GRID2: variants seen among roughly 807,000 people sequenced by gnomAD.
The protein encoded by GRID2 is glutamate ionotropic receptor delta type subunit 2.
GRID2 carries 33 observed loss-of-function variants against 114.8 expected under a neutral mutation model. The observed-to-expected ratio is 0.29, with a 90% confidence interval of 0.22 to 0.38. The LOEUF is 0.38. GRID2 is among the 10% of genes least tolerant of loss of function. The pLI is 1.00. For synonymous variants in GRID2, 505 were observed against 449.9 expected (o/e 1.12, Z -1.55); for missense variants, 1,184 against 1,257.7 (o/e 0.94, Z 0.89).
intron 12 of GRID2, among the ~76,000 whole-genome samples, chr4:93,512,493 G>A (rs182907460): frequency 7.2e-5 from 11 of 152,098 alleles, no homozygotes; most frequent in South Asian, 2.1e-4. Context: ...TGCTTCAGTC[G>A]TTTTATTTTT....
intron 14 of GRID2, among the ~76,000 whole-genome samples, chr4:93,726,585 AT>A (rs1729920594): frequency 6.6e-6 from 1 of 152,108 alleles, no homozygotes; most frequent in South Asian, 2.1e-4. Flanking sequence ...CAGTATGGCC[AT>A]TTTCACGATA....
At chr4:92,821,353 T>C (rs969009509) in intron 2 of GRID2, among the ~76,000 whole-genome samples, 2 of 152,194 alleles carry the variant, frequency 1.3e-5, no homozygotes, top group African/African-American at 4.8e-5. Context: ...GACAACCTTA[T>C]CTGTCATGCT....
intron 1 of GRID2, among the ~76,000 whole-genome samples, chr4:92,379,491 T>G (rs1299226939): frequency 6.6e-6 from 1 of 152,098 alleles, no homozygotes; most frequent in Non-Finnish European, 1.5e-5. Context: ...ATTACAATGA[T>G]AATTTTTAAA....
chr4:93,720,516 C>T (rs933851630), intron 14 of GRID2, among the ~76,000 whole-genome samples: 8 of 152,144 alleles, frequency 5.3e-5, no homozygotes, highest in African/African-American at 1.9e-4. Flanking sequence ...AAAATGGTCA[C>T]AGACACCTGC....
chr4:92,841,570 G>T (rs1037079164), intron 2 of GRID2, among the ~76,000 whole-genome samples: 4 of 151,936 alleles, frequency 2.6e-5, no homozygotes, highest in East Asian at 1.9e-4. Context: ...GCTAGAAAAA[G>T]TTTAACATTC....
chr4:92,899,419 A>G (rs1747403729), intron 2 of GRID2, among the ~76,000 whole-genome samples: 1 of 152,116 alleles, frequency 6.6e-6, no homozygotes, highest in African/African-American at 2.4e-5. Flanking sequence ...ATCCTAAGTC[A>G]TTTTCACAAG....
rs190550125 is a variant in GRID2, at chr4:92,754,950, T to G, written c.244+164664T>G. 6.7e-3 allele frequency among the ~76,000 whole-genome samples: 1,019 copies of G among 152,338 alleles called. 11 individuals carry two copies. Among genetic ancestry groups the G allele is most frequent in the African/African-American group, 0.023 (973 of 41,582 alleles). ...TTCCTGTTAGCATCACTTCTACTAT[T>G]TCCTTTTCTGTGCGTGTGCATACAT... On this transcript the variant is annotated intron_variant, in intron 2 of 15. Transcript: ENST00000282020.
chr4:93,221,970 G>A (rs1744931561), intron 6 of GRID2, among the ~76,000 whole-genome samples: 1 of 152,118 alleles, frequency 6.6e-6, no homozygotes, highest in Non-Finnish European at 1.5e-5. Flanking sequence ...TGTCAGGTTT[G>A]GATAGAACCC....
intron 1 of GRID2, among the ~76,000 whole-genome samples, chr4:93,793,451 T>C (rs2110360548): frequency 6.6e-6 from 1 of 152,294 alleles, no homozygotes; most frequent in South Asian, 2.1e-4. Context: ...TGTGCCTAAA[T>C]CTGTTTTGTT....
intron 2 of GRID2, among the ~76,000 whole-genome samples, chr4:92,790,444 C>G: frequency 6.6e-6 from 1 of 151,714 alleles, no homozygotes; most frequent in East Asian, 2.0e-4. Flanking sequence ...TGGACAAGGT[C>G]TTATTCTGTT....
intron 14 of GRID2, among the ~76,000 whole-genome samples, chr4:93,728,552 T>C (rs966079177): frequency 6.6e-6 from 1 of 152,202 alleles, no homozygotes; most frequent in African/African-American, 2.4e-5. Context: ...GTTAACTTTC[T>C]GTCTTGTTTT....
At chr4:92,693,869 T>C (rs1579856266) in intron 2 of GRID2, among the ~76,000 whole-genome samples, 1 of 152,208 alleles carries the variant, frequency 6.6e-6, no homozygotes, top group Non-Finnish European at 1.5e-5. Flanking sequence ...TAAGAAAATA[T>C]ATGATATTAC....
intron 2 of GRID2, among the ~76,000 whole-genome samples, chr4:93,056,138 T>G (rs1394421619): frequency 6.6e-6 from 1 of 151,942 alleles, no homozygotes; most frequent in Non-Finnish European, 1.5e-5. Flanking sequence ...TATGGACTGT[T>G]ATGCAAACTG....
intron 8 of GRID2, among the ~76,000 whole-genome samples, chr4:93,322,210 C>A (rs894997622): frequency 2.0e-5 from 3 of 151,970 alleles, no homozygotes; most frequent in Admixed American, 2.0e-4. Flanking sequence ...CCCCACCCAA[C>A]AACAGGCCCC....
intron 2 of GRID2, among the ~76,000 whole-genome samples, chr4:92,675,710 CT>C (rs1372917209): frequency 1.3e-5 from 2 of 152,018 alleles, no homozygotes; most frequent in East Asian, 3.9e-4. Context: ...GCCACGACGC[CT>C]GGCTAATTTT....
At position 93,544,851 on chromosome 4, in the gene GRID2, A is replaced by G. The variant is rs1323384802; in HGVS notation, c.2193+29440A>G. ...GAAAGACTTAGGCTCAGAGATGTTA[A>G]GTAAGTGGCATACCTGGTATTTAAA... On this transcript the variant is annotated intron_variant, in intron 13 of 15. Coordinates refer to ENST00000282020, the MANE Select transcript of GRID2 (RefSeq NM_001510.4). Among the ~76,000 whole-genome samples the G allele has an allele frequency of 3.9e-5, 6 of 152,250 alleles. No individual in the cohort carries two copies. The East Asian group carries it at 1.2e-3, about 29-fold the overall frequency.
intron 2 of GRID2, among the ~76,000 whole-genome samples, chr4:92,997,970 T>G (rs1755306988): frequency 6.6e-6 from 1 of 152,120 alleles, no homozygotes; most frequent in Non-Finnish European, 1.5e-5. Flanking sequence ...AGACATATCT[T>G]ATGGAGTCCT....
Position 92,838,905 on chromosome 4 carries a change from T to C in GRID2, c.245-246090T>C, listed in dbSNP as rs548322183. The C allele has an allele frequency of 2.0e-5, 3 of 152,194 alleles. No individual in the cohort carries two copies. In the East Asian group the frequency reaches 5.8e-4, roughly 30 times the overall value. The allele number at this position is 152,194 out of a possible 1,614,324, so 9.4% of individuals were successfully genotyped here. ...CTATCATCACCTTTCTGAAATGCTA[T>C]GGATTTATTTAAAGTTACTTAGACT... On this transcript the variant is annotated intron_variant, in intron 2 of 15. Coordinates refer to ENST00000282020, the MANE Select transcript of GRID2 (RefSeq NM_001510.4).
chr4:93,387,645 C>T (rs1453339914), intron 8 of GRID2, among the ~76,000 whole-genome samples: 1 of 152,012 alleles, frequency 6.6e-6, no homozygotes, highest in Non-Finnish European at 1.5e-5. Flanking sequence ...GCCTGGCCAA[C>T]ACAGTGGAAC....
Sources: gnomAD v4.1 joint callset for allele counts (sites outside exome capture counted in the v4.1 genomes callset) on GRCh38, gnomAD v4.1.1 for gene constraint, MANE v1.5 for transcripts, NCBI Gene and HGNC (gene_info 2026-07-23, HGNC 2026-07-21) for gene names.